SEMA5A: variants seen among roughly 807,000 people sequenced by gnomAD.
The protein encoded by SEMA5A is semaphorin 5A.
In SEMA5A, 55 loss-of-function variants were observed where a neutral mutation model predicts 135.5. That is an observed-to-expected ratio of 0.41 (90% CI 0.33 to 0.51). The LOEUF is 0.51. Among genes scored for constraint, SEMA5A ranks in the 20% least tolerant of loss-of-function variants. SEMA5A has a pLI of 0.37. For synonymous variants in SEMA5A, 580 were observed against 546.5 expected (o/e 1.06, Z -0.85); for missense variants, 1,290 against 1,419.9 (o/e 0.91, Z 1.47).
intron 12 of SEMA5A, among the ~76,000 whole-genome samples, chr5:9,153,464 C>T (rs1039986877): frequency 2.6e-5 from 4 of 152,132 alleles, no homozygotes; most frequent in African/African-American, 4.8e-5. Flanking sequence ...GGATGTCCCA[C>T]GGAAGATAAG....
intron 1 of SEMA5A, among the ~76,000 whole-genome samples, chr5:9,467,273 T>C (rs1759296965): frequency 6.6e-6 from 1 of 152,126 alleles, no homozygotes; most frequent in African/African-American, 2.4e-5. Context: ...CCACTGTGCC[T>C]GGCTAATTTT....
intron 1 of SEMA5A, among the ~76,000 whole-genome samples, chr5:9,506,650 A>G (rs1735896268): frequency 6.6e-6 from 1 of 152,204 alleles, no homozygotes; most frequent in South Asian, 2.1e-4. Flanking sequence ...ATCCCTTACA[A>G]ATTGTGGGCA....
chr5:9,504,870 T>C (rs1204884994), intron 1 of SEMA5A, among the ~76,000 whole-genome samples: 1 of 152,248 alleles, frequency 6.6e-6, no homozygotes, highest in Non-Finnish European at 1.5e-5. Context: ...GTTCCTTTTA[T>C]GTTATATCCT....
chr5:9,329,503 T>C (rs1753023628), intron 4 of SEMA5A, among the ~76,000 whole-genome samples: 1 of 152,264 alleles, frequency 6.6e-6, no homozygotes, highest in Admixed American at 6.5e-5. Flanking sequence ...GTTTCTCTAA[T>C]GCCTAAGAAG....
chr5:9,436,638 A>G lies in SEMA5A; in HGVS notation c.-78+1118T>C, dbSNP rs576613380. Among the ~76,000 whole-genome samples, 245 of 152,358 alleles carry G rather than the reference A, an allele frequency of 1.6e-3. 2 individuals are homozygous for G. Among genetic ancestry groups the G allele is most frequent in the African/African-American group, 5.6e-3 (234 of 41,576 alleles). ...AGCAAAGTGTTTTGTGAATGGGGAA[A>G]AAATATAAGCCTGTCCACAATGAGA... is the stretch of plus-strand genomic sequence containing the variant. On this transcript the variant is annotated intron_variant, in intron 2 of 22. Transcript: ENST00000382496.
chr5:9,302,025 C>A (rs1751634575), intron 5 of SEMA5A, among the ~76,000 whole-genome samples: 1 of 152,056 alleles, frequency 6.6e-6, no homozygotes, highest in Non-Finnish European at 1.5e-5. Flanking sequence ...GTAGTTGCAT[C>A]ACTCTAATTT....
intron 1 of SEMA5A, among the ~76,000 whole-genome samples, chr5:9,481,725 C>T (rs1437360308): frequency 6.6e-6 from 1 of 152,096 alleles, no homozygotes; most frequent in African/African-American, 2.4e-5. Context: ...CAGGTGGCGG[C>T]AAGCTGTGAG....
In SEMA5A at chr5:9,154,699, T is replaced by C. The variant is rs752314083; in HGVS notation, c.1274-4A>G. 6 of 1,613,392 alleles carry C rather than the reference T, an allele frequency of 3.7e-6. No homozygotes were observed. In the South Asian group the frequency reaches 5.5e-5, roughly 15 times the overall value. ...ACTTTCTTAATGGTTCCGTAATCTATGAAGGTCACAGGATGAAAAGGAAAC... is the reference window on the plus strand; with the variant it reads ...ACTTTCTTAATGGTTCCGTAATCTACGAAGGTCACAGGATGAAAAGGAAAC... On this transcript the variant is annotated splice_region_variant and splice_polypyrimidine_tract_variant and intron_variant, in intron 11 of 22. Coordinates refer to ENST00000382496, the MANE Select transcript of SEMA5A (RefSeq NM_003966.3).
chr5:9,055,855 G>A (rs1736860826), intron 18 of SEMA5A, among the ~76,000 whole-genome samples: 1 of 138,124 alleles, frequency 7.2e-6, no homozygotes, highest in African/African-American at 2.8e-5. Flanking sequence ...AGCCAGGCAT[G>A]TGTTTTCCTA....
intron 2 of SEMA5A, among the ~76,000 whole-genome samples, chr5:9,411,402 T>C (rs1159772717): frequency 1.3e-5 from 2 of 152,212 alleles, no homozygotes; most frequent in African/African-American, 4.8e-5. Context: ...GCAAGCAACG[T>C]GCATGCTGCC....
chr5:9,464,031 A>G (rs996110582), intron 1 of SEMA5A, among the ~76,000 whole-genome samples: 1 of 152,156 alleles, frequency 6.6e-6, no homozygotes, highest in Non-Finnish European at 1.5e-5. Context: ...GGGGCCAGAT[A>G]ATCCTCTGTC....
chr5:9,184,483 A>G (rs1314739428), intron 11 of SEMA5A, among the ~76,000 whole-genome samples: 1 of 152,326 alleles, frequency 6.6e-6, no homozygotes, highest in Admixed American at 6.5e-5. Context: ...AAAGACACCA[A>G]TCACTCTGTG....
At chr5:9,154,093 A>G (rs201158217) in intron 12 of SEMA5A, among the ~76,000 whole-genome samples, 61,272 of 74,154 alleles carry the variant, frequency 0.83, 25,593 homozygotes, top group Middle Eastern at 0.92. Flanking sequence ...ATATATATAT[A>G]TGTGTGTGTG....
At chr5:9,518,805 A>T (rs777798691) in intron 1 of SEMA5A, among the ~76,000 whole-genome samples, 4 of 152,232 alleles carry the variant, frequency 2.6e-5, no homozygotes, top group Non-Finnish European at 5.9e-5. Context: ...ATGCTGACTC[A>T]AAACAGAAGA....
At chr5:9,478,490 G>T (rs1057483206) in intron 1 of SEMA5A, among the ~76,000 whole-genome samples, 1 of 152,332 alleles carries the variant, frequency 6.6e-6, no homozygotes, top group South Asian at 2.1e-4. Context: ...GAACCACAGG[G>T]TCAAGGCTGC....
At chr5:9,455,503 G>A (rs951381750) in intron 1 of SEMA5A, among the ~76,000 whole-genome samples, 29 of 152,026 alleles carry the variant, frequency 1.9e-4, no homozygotes, top group African/African-American at 7.0e-4. Flanking sequence ...TGATCCGCCC[G>A]CCTCGGCCTC....
chr5:9,232,593 T>C (rs538181948), intron 6 of SEMA5A, among the ~76,000 whole-genome samples: 6 of 152,316 alleles, frequency 3.9e-5, no homozygotes, highest in African/African-American at 1.4e-4. Context: ...ATGCAATATG[T>C]AGAGATAAAC....
intron 1 of SEMA5A, among the ~76,000 whole-genome samples, chr5:9,544,571 C>A (rs1738270135): frequency 6.6e-6 from 1 of 152,098 alleles, no homozygotes; most frequent in African/African-American, 2.4e-5. Flanking sequence ...TGTTTGTTGC[C>A]TGGGACTCCC....
chr5:9,187,614 T>C (rs1017550965), intron 11 of SEMA5A, among the ~76,000 whole-genome samples: 4 of 152,212 alleles, frequency 2.6e-5, no homozygotes, highest in Non-Finnish European at 2.9e-5. Flanking sequence ...GTTCTACATA[T>C]GGCATCTTTA....
Sources: gnomAD v4.1 joint callset for allele counts (sites outside exome capture counted in the v4.1 genomes callset) on GRCh38, gnomAD v4.1.1 for gene constraint, MANE v1.5 for transcripts, NCBI Gene and HGNC (gene_info 2026-07-23, HGNC 2026-07-21) for gene names.